Variants in LAMA2 observed in about 807,000 individuals in gnomAD.
LAMA2 encodes the protein laminin subunit alpha-2.
A neutral mutation model predicts 364.8 loss-of-function variants in LAMA2; 269 were observed. The observed-to-expected ratio is 0.74, with a 90% CI of 0.67 to 0.82. The LOEUF (loss-of-function observed/expected upper bound fraction) is 0.82. Among genes scored for constraint, LAMA2 ranks in the 40% least tolerant of loss-of-function variants. The pLI is 0.00. For synonymous variants in LAMA2, 1,379 were observed against 1,370.6 expected (o/e 1.01, Z -0.14); for missense variants, 3,807 against 3,873.2 (o/e 0.98, Z 0.45).
At chr6:128,900,641 G>A (rs916934434) in intron 1 of LAMA2, among the ~76,000 whole-genome samples, 1 of 152,162 alleles carries the variant, frequency 6.6e-6, no homozygotes, top group African/African-American at 2.4e-5. Flanking sequence ...TCCTGAAACA[G>A]GATGTTCCAA....
chr6:129,349,790 G>A (rs182769429), intron 31 of LAMA2, among the ~76,000 whole-genome samples: 182 of 152,004 alleles, frequency 1.2e-3, no homozygotes, highest in Non-Finnish European at 1.2e-3. Flanking sequence ...CTGAATTCAC[G>A]TCATTGTTCT....
rs149684258 is a variant in LAMA2 at position 129,217,544 on chromosome 6, G to A, written c.1782+24691G>A. Among the ~76,000 whole-genome samples the A allele has an allele frequency of 2.6e-4, 40 of 152,250 alleles. 1 individual carries two copies. The highest frequency in any genetic ancestry group is 3.4e-3 in the Middle Eastern group (1 of 294). Reference sequence around the variant, plus strand: ...ACAAAGGATATTTCTCCTATAAATAGTGCTTTCAATAGAGAAAATCTGTTA... The same window carrying A: ...ACAAAGGATATTTCTCCTATAAATAATGCTTTCAATAGAGAAAATCTGTTA... On this transcript the variant is annotated intron_variant, in intron 12 of 64. Transcript: ENST00000421865.
chr6:129,091,686 TG>T (rs1282424584), intron 3 of LAMA2, among the ~76,000 whole-genome samples: 1 of 152,142 alleles, frequency 6.6e-6, no homozygotes, highest in East Asian at 1.9e-4. Flanking sequence ...AAAATATGGG[TG>T]GGCAAGCTCC....
chr6:129,267,575 T>A (rs1275561946), intron 16 of LAMA2, among the ~76,000 whole-genome samples: 2 of 152,050 alleles, frequency 1.3e-5, no homozygotes, highest in Non-Finnish European at 2.9e-5. Context: ...ATAATTTATA[T>A]CCCCATAATA....
chr6:129,318,999 A>G (rs1479543150), intron 27 of LAMA2, among the ~76,000 whole-genome samples: 1 of 152,204 alleles, frequency 6.6e-6, no homozygotes. Flanking sequence ...GGGTATTAAT[A>G]TGTTATTTTC....
chr6:128,926,568 A>G (rs1323760773), intron 1 of LAMA2, among the ~76,000 whole-genome samples: 1 of 152,224 alleles, frequency 6.6e-6, no homozygotes, highest in African/African-American at 2.4e-5. Context: ...TTGGCAACAT[A>G]TAAAAATCCA....
chr6:129,253,830 TCG>T (rs1460645421), intron 14 of LAMA2, among the ~76,000 whole-genome samples: 7 of 152,356 alleles, frequency 4.6e-5, no homozygotes, highest in African/African-American at 1.7e-4. Context: ...TTCTGAGGTT[TCG>T]CCATACAGGA....
At chr6:128,907,634 C>G (rs1382485287) in intron 1 of LAMA2, among the ~76,000 whole-genome samples, 1 of 152,104 alleles carries the variant, frequency 6.6e-6, no homozygotes, top group Non-Finnish European at 1.5e-5. Flanking sequence ...ATTTCCTTCT[C>G]CTGCCTAATT....
intron 1 of LAMA2, among the ~76,000 whole-genome samples, chr6:129,014,613 C>T (rs906347870): frequency 6.6e-6 from 1 of 152,024 alleles, no homozygotes; most frequent in Non-Finnish European, 1.5e-5. Context: ...ATTCTGTACA[C>T]AGTGTGCTAC....
chr6:129,184,668 G>C (rs1288501892), intron 10 of LAMA2, among the ~76,000 whole-genome samples: 1 of 151,702 alleles, frequency 6.6e-6, no homozygotes, highest in Admixed American at 6.6e-5. Context: ...CCTGATCCTT[G>C]CTCGTGGCTA....
At chr6:129,419,761 GATACTCATCTGACCC>G (rs1161914482) in intron 40 of LAMA2, among the ~76,000 whole-genome samples, 2 of 152,072 alleles carry the variant, frequency 1.3e-5, no homozygotes, top group Non-Finnish European at 2.9e-5. Context: ...AATCTTGACA[GATACTCATCTGACCC>G]ATCTACCACC....
At chr6:129,258,851 A>T (rs1786900077) in intron 14 of LAMA2, among the ~76,000 whole-genome samples, 1 of 152,064 alleles carries the variant, frequency 6.6e-6, no homozygotes, top group Non-Finnish European at 1.5e-5. Flanking sequence ...TTTTCAAATG[A>T]CACATGTAAC....
intron 1 of LAMA2, among the ~76,000 whole-genome samples, chr6:128,975,216 A>G (rs921981655): frequency 2.0e-5 from 3 of 152,204 alleles, no homozygotes; most frequent in African/African-American, 7.2e-5. Flanking sequence ...CAATAAATCA[A>G]ACAAAATGCT....
At chr6:129,373,697 T>C (rs1214730678) in intron 34 of LAMA2, among the ~76,000 whole-genome samples, 2 of 152,158 alleles carry the variant, frequency 1.3e-5, no homozygotes, top group African/African-American at 4.8e-5. Context: ...CTTTGAGAGT[T>C]TGGACAGGTT....
chr6:128,885,731 T>C (rs1325315002), intron 1 of LAMA2, among the ~76,000 whole-genome samples: 9 of 152,204 alleles, frequency 5.9e-5, no homozygotes, highest in Non-Finnish European at 2.9e-5. Context: ...ATCAACCATT[T>C]TTAGATGTTG....
chr6:129,486,783 T>C (rs923940754), intron 56 of LAMA2, among the ~76,000 whole-genome samples, 161 bp downstream of exon 56: 1 of 152,212 alleles, frequency 6.6e-6, no homozygotes, highest in Non-Finnish European at 1.5e-5. Flanking sequence ...TTTTCATACT[T>C]CGGGAACCTC....
chr6:128,895,010 T>C (rs1395568375), intron 1 of LAMA2, among the ~76,000 whole-genome samples: 3 of 152,248 alleles, frequency 2.0e-5, no homozygotes, highest in Admixed American at 6.5e-5. Flanking sequence ...GTTAAGTTCC[T>C]CACTGCCTGC....
intron 12 of LAMA2, among the ~76,000 whole-genome samples, chr6:129,247,930 C>A (rs1056697196): frequency 6.6e-6 from 1 of 151,966 alleles, no homozygotes; most frequent in Non-Finnish European, 1.5e-5. Context: ...TCCTCTTTTC[C>A]CCCTTCCCAC....
chr6:129,207,902 A>C (rs1321875421), intron 12 of LAMA2, among the ~76,000 whole-genome samples: 1 of 152,184 alleles, frequency 6.6e-6, no homozygotes, highest in Non-Finnish European at 1.5e-5. Context: ...GAAGATATTT[A>C]CAGGCTTTAG....
Sources: allele counts gnomAD v4.1 joint callset (sites outside exome capture counted in the v4.1 genomes callset), GRCh38; gene constraint gnomAD v4.1.1; transcripts MANE v1.5; gene names NCBI Gene and HGNC (gene_info 2026-07-23, HGNC 2026-07-21).